FKBP9: variants seen among roughly 807,000 people sequenced by gnomAD.
FKBP9 encodes the protein peptidyl-prolyl cis-trans isomerase FKBP9.
Under a neutral mutation model 55.6 loss-of-function variants are expected in FKBP9, and 27 were observed. The observed-to-expected ratio is 0.49, with a 90% CI of 0.36 to 0.67. The LOEUF (loss-of-function observed/expected upper bound fraction) is 0.67. Ranked by LOEUF, FKBP9 falls within the 30% of genes least tolerant of loss-of-function variation. The probability of loss-of-function intolerance (pLI) is 0.00; values close to 1 mark genes in which losing one functional copy is unlikely to be tolerated. For synonymous variants in FKBP9, 267 were observed against 296.5 expected (o/e 0.90, Z 1.02); for missense variants, 539 against 742.8 (o/e 0.73, Z 3.19).
intron 9 of FKBP9, among the ~76,000 whole-genome samples, chr7:33,004,653 C>A (rs1299863177): frequency 2.0e-5 from 3 of 152,286 alleles, no homozygotes; most frequent in Non-Finnish European, 4.4e-5. Context: ...TTTTCTGGAG[C>A]ATTTCACTTT....
intron 9 of FKBP9, among the ~76,000 whole-genome samples, 174 bp from the exon 10 acceptor site, chr7:33,005,000 GA>G (rs1046942258): frequency 6.6e-6 from 1 of 151,398 alleles, no homozygotes; most frequent in African/African-American, 2.4e-5. Flanking sequence ...TGCATTTAGA[GA>G]AAAAAAACAA....
chr7:32,982,023 A>AT (rs544558731), intron 5 of FKBP9, among the ~76,000 whole-genome samples: 48,937 of 138,324 alleles, frequency 0.35, 10,398 homozygotes, highest in African/African-American at 0.59. Flanking sequence ...CAATGTCTGG[A>AT]TTTTTTTTTT....
chr7:32,998,726 G>GGAGAGGAGTGGGA (rs1277239986), intron 7 of FKBP9: 1 of 152,380 alleles, frequency 6.6e-6, no homozygotes, highest in East Asian at 1.9e-4. Context: ...CTAGAAGGGA[G>GGAGAGGAGTGGGA]GAGAGGAGTG....
Position 33,005,880 on chromosome 7 carries a change from T to C in FKBP9, c.*529T>C, listed in dbSNP as rs553164083. On this transcript the variant is annotated 3_prime_UTR_variant, in exon 10 of 10. Transcript: ENST00000242209. ...CAGCAGCCTGTGCAAATTCTGATGA[T>C]GGCCCCACCCCCGCACACGCACACG... 4.3e-6 allele frequency: 1 copy of C among 233,536 alleles called. No individual in the cohort carries two copies. The highest frequency in any genetic ancestry group is 1.8e-4 in the South Asian group (1 of 5,620). The allele number at this position is 233,536 out of a possible 1,614,324, so 14.5% of individuals were successfully genotyped here.
At chr7:33,004,701 G>A (rs1357459054) in intron 9 of FKBP9, among the ~76,000 whole-genome samples, 3 of 152,316 alleles carry the variant, frequency 2.0e-5, no homozygotes, top group Middle Eastern at 3.4e-3. Context: ...TTATGTTCAT[G>A]TCTAATTGTC....
At chr7:32,986,480 G>T (rs1199353474) in intron 5 of FKBP9, among the ~76,000 whole-genome samples, 1 of 152,178 alleles carries the variant, frequency 6.6e-6, no homozygotes. Flanking sequence ...GCTGGGAGCC[G>T]ACACGGTCCT....
chr7:32,993,038 A>C (rs1211417418), intron 6 of FKBP9: 2 of 232,104 alleles, frequency 8.6e-6, no homozygotes, highest in Non-Finnish European at 1.7e-5. Context: ...TGAGAGGCTG[A>C]GTTCATTTGA....
At chr7:32,995,476 T>C (rs1308087880) in intron 6 of FKBP9, among the ~76,000 whole-genome samples, 1 of 152,140 alleles carries the variant, frequency 6.6e-6, no homozygotes, top group Non-Finnish European at 1.5e-5. Context: ...CCCCATAAGG[T>C]TGCTGCAGGG....
chr7:32,974,205 G>GGA (rs1554285159), intron 1 of FKBP9, among the ~76,000 whole-genome samples: 4 of 151,026 alleles, frequency 2.6e-5, no homozygotes, highest in Non-Finnish European at 2.9e-5. Flanking sequence ...GAGGCGGGGG[G>GGA]GCCTCACTTT....
chr7:32,991,278 C>T (rs1019889551), intron 6 of FKBP9, among the ~76,000 whole-genome samples: 2 of 151,978 alleles, frequency 1.3e-5, no homozygotes, highest in Non-Finnish European at 2.9e-5. Context: ...GCCGAAGGCT[C>T]GTAAATTTTC....
intron 5 of FKBP9, among the ~76,000 whole-genome samples, chr7:32,981,749 G>A (rs1403856037): frequency 6.6e-6 from 1 of 151,726 alleles, no homozygotes; most frequent in Non-Finnish European, 1.5e-5. Flanking sequence ...TTGTAAATTA[G>A]CCAGGCGTGC....
At chr7:32,982,984 A>ATGTGTG (rs71559288) in intron 5 of FKBP9, among the ~76,000 whole-genome samples, 16,096 of 142,014 alleles carry the variant, frequency 0.11, 1,087 homozygotes, top group East Asian at 0.2. Flanking sequence ...GTCAAAGGTT[A>ATGTGTG]TGTGTGTGTG....
intron 6 of FKBP9, among the ~76,000 whole-genome samples, chr7:32,990,692 G>A (rs1329276823): frequency 1.3e-5 from 2 of 152,224 alleles, no homozygotes; most frequent in African/African-American, 4.8e-5. Context: ...TCTATGCTAT[G>A]TATTTTAATG....
At chr7:32,969,800 C>T (rs1053358655) in intron 1 of FKBP9, among the ~76,000 whole-genome samples, 14 of 151,946 alleles carry the variant, frequency 9.2e-5, no homozygotes, top group Non-Finnish European at 1.5e-5. Context: ...GTCAGGAGTT[C>T]AAGACCAGCC....
In FKBP9 at chr7:32,978,387, G is replaced by A. The variant is rs144421091; in HGVS notation, c.703+1888G>A. ...TAAGATACTGTTATTATTATTTTTAGAGACAGGGTCTCACTCTGTCACCCA... is the reference window on the plus strand; with the variant it reads ...TAAGATACTGTTATTATTATTTTTAAAGACAGGGTCTCACTCTGTCACCCA... On this transcript the variant is annotated intron_variant, in intron 4 of 9. Coordinates refer to ENST00000242209, the MANE Select transcript of FKBP9 (RefSeq NM_007270.5). Among the ~76,000 whole-genome samples the A allele has an allele frequency of 1.1e-3, 162 of 152,018 alleles. 1 individual carries two copies. In the East Asian group the frequency reaches 0.024, roughly 23 times the overall value.
At position 32,975,334 on chromosome 7, in the gene FKBP9, A is replaced by C; in HGVS notation, c.520A>C (p.Asn174His). 1 of 1,614,020 alleles carries C rather than the reference A, an allele frequency of 6.2e-7. No individual in the cohort carries two copies. The highest frequency in any genetic ancestry group is 1.3e-5 in the African/African-American group (1 of 75,042). Residue 174 changes from asparagine (N) to histidine (H), a missense_variant, in exon 3 of 10, where the codon AAC becomes CAC. Physicochemically the swap from Asn to His is moderately conservative, Grantham distance 68. Coordinates refer to ENST00000242209, the MANE Select transcript of FKBP9 (RefSeq NM_007270.5). ...GTCTGATTTTGTGAGGTACCACTAC[A>C]ACGGGACGTTCCTGGACGGAACTCT... ...QVSDFVRYHYNGTFLDGTLFD... is the reference protein window; with the variant it reads ...QVSDFVRYHYHGTFLDGTLFD...
intron 5 of FKBP9, among the ~76,000 whole-genome samples, chr7:32,986,607 C>T (rs1269327116): frequency 6.6e-6 from 1 of 152,182 alleles, no homozygotes; most frequent in East Asian, 1.9e-4. Flanking sequence ...CTCACAGCCT[C>T]GTCTGGGAGT....
chr7:32,978,950 T>G (rs1266869033), intron 4 of FKBP9, among the ~76,000 whole-genome samples: 1 of 152,190 alleles, frequency 6.6e-6, no homozygotes. Flanking sequence ...ACATTATTCA[T>G]TTAGTACACA....
chr7:32,990,540 T>C (rs1341264477), intron 6 of FKBP9, among the ~76,000 whole-genome samples: 1 of 152,182 alleles, frequency 6.6e-6, no homozygotes, highest in Non-Finnish European at 1.5e-5. Flanking sequence ...TTCTGTACCT[T>C]TGAGTTTATG....
Sources: allele counts gnomAD v4.1 joint callset (sites outside exome capture counted in the v4.1 genomes callset), GRCh38; gene constraint gnomAD v4.1.1; transcripts MANE v1.5; gene names NCBI Gene and HGNC (gene_info 2026-07-23, HGNC 2026-07-21).